The following PPP1R36 variants were observed in gnomAD, a reference collection of about 807,000 sequenced individuals.
PPP1R36 encodes chromosome 14 open reading frame 50.
In PPP1R36, 47 loss-of-function variants were observed where a neutral mutation model predicts 53.4. That is an observed-to-expected ratio of 0.88 (90% confidence interval 0.70 to 1.12). PPP1R36 has a LOEUF of 1.12. Ranked by LOEUF, PPP1R36 falls within the 50% of genes most tolerant of loss-of-function variation. PPP1R36 has a pLI of 0.00. For missense variants in PPP1R36, 456 were observed against 513.9 expected, an observed-to-expected ratio of 0.89 and a Z score of 1.09; for synonymous variants, 153 against 170.5, an observed-to-expected ratio of 0.90 and a Z score of 0.80.
At chr14:64,573,375 C>G (rs2140237841) in intron 7 of PPP1R36, among the ~76,000 whole-genome samples, 1 of 152,286 alleles carries the variant, frequency 6.6e-6, no homozygotes, top group Middle Eastern at 3.4e-3. Flanking sequence ...TTAGCAAACA[C>G]AGCTACACTC....
chr14:64,570,043 T>G (rs2080290793), intron 7 of PPP1R36, among the ~76,000 whole-genome samples: 1 of 152,114 alleles, frequency 6.6e-6, no homozygotes. Flanking sequence ...CTGGCCTACT[T>G]TCTTAATTGA....
intron 8 of PPP1R36, among the ~76,000 whole-genome samples, chr14:64,584,717 T>C (rs533087218): frequency 1.1e-4 from 16 of 152,354 alleles, no homozygotes; most frequent in African/African-American, 3.8e-4. Context: ...TATATGTCTT[T>C]GGACTTAAGT....
chr14:64,574,495 G>A lies in PPP1R36; in HGVS notation c.574G>A (p.Glu192Lys), dbSNP rs748843449. 6.2e-7 allele frequency: 1 copy of A among 1,613,912 alleles called. No individual in the cohort carries two copies. Among genetic ancestry groups the A allele is most frequent in the Non-Finnish European group, 8.5e-7 (1 of 1,179,942 alleles). ...AAAAGAAATGGAATTGGTTTTAAGT[G>A]AATTAGAAGCAGCACAGAGGTACTT... ...EKKEMELVLS[E>K]LEAAQRYLAQ... The change falls in exon 8 of 12, where the codon GAA (glutamate) becomes AAA (lysine). Residue 192 changes from glutamate to lysine, a missense_variant. Glu to Lys is a moderately conservative substitution (Grantham distance 56, BLOSUM62 1). Coordinates refer to ENST00000298705, the MANE Select transcript of PPP1R36 (RefSeq NM_172365.3).
intron 3 of PPP1R36, among the ~76,000 whole-genome samples, chr14:64,559,814 C>A (rs1596727442): frequency 6.6e-6 from 1 of 152,284 alleles, no homozygotes; most frequent in East Asian, 1.9e-4. Flanking sequence ...ATTAGAATTG[C>A]ATCTTAGGCC....
intron 6 of PPP1R36, among the ~76,000 whole-genome samples, chr14:64,567,537 G>A (rs945925024): frequency 1.3e-5 from 2 of 152,060 alleles, no homozygotes; most frequent in Admixed American, 6.6e-5. Context: ...ATAGTATTAC[G>A]CCACTTATTA....
At chr14:64,551,429 A>G (rs2080093064) in intron 2 of PPP1R36, among the ~76,000 whole-genome samples, 1 of 152,246 alleles carries the variant, frequency 6.6e-6, no homozygotes, top group Non-Finnish European at 1.5e-5. Context: ...GCTGCAATAG[A>G]TGGTGAATCT....
chr14:64,588,478 C>T (rs1210525782), intron 11 of PPP1R36, 183 bp downstream of exon 11: 4 of 474,592 alleles, frequency 8.4e-6, no homozygotes, highest in Non-Finnish European at 1.5e-5. Context: ...GAGGTACACC[C>T]ATCTAGACCA....
At chr14:64,567,586 G>T (rs998601054) in intron 6 of PPP1R36, among the ~76,000 whole-genome samples, 1 of 152,180 alleles carries the variant, frequency 6.6e-6, no homozygotes, top group African/African-American at 2.4e-5. Context: ...ATGTACATGT[G>T]TATATGTTGG....
intron 8 of PPP1R36, 87 bp downstream of exon 8, chr14:64,574,676 G>C (rs2080329666): frequency 3.5e-6 from 5 of 1,408,456 alleles, no homozygotes; most frequent in Non-Finnish European, 4.8e-6. Context: ...TTGTTACCTT[G>C]AGAAAATGTT....
chr14:64,585,287 A>G (rs10138870), intron 8 of PPP1R36, among the ~76,000 whole-genome samples: 149,700 of 152,282 alleles, frequency 0.98, 73,602 homozygotes, highest in East Asian at 1. Context: ...AGGGTGAGGT[A>G]GGTGGATAGC....
Position 64,564,759 on chromosome 14 carries a change from C to A in PPP1R36, c.191C>A (p.Pro64His). Residue 64 changes from proline to histidine, a missense_variant, in exon 4 of 12, where the codon CCT becomes CAT. Transcript: ENST00000298705. Reference sequence around the variant, plus strand: ...TCTCATTTTTATTGCAGTTTTACACCTGCAGCAGAAGTCAAGGAAAAAGGA... The same window carrying A: ...TCTCATTTTTATTGCAGTTTTACACATGCAGCAGAAGTCAAGGAAAAAGGA... ...WLLKHHPHFT[P>H]AAEVKEKGKK... 6.2e-7 allele frequency: 1 copy of A among 1,608,826 alleles called. No homozygotes were observed. The highest frequency in any genetic ancestry group is 8.5e-7 in the Non-Finnish European group (1 of 1,178,096).
At chr14:64,577,338 C>A (rs1386732161) in intron 8 of PPP1R36, among the ~76,000 whole-genome samples, 1 of 152,198 alleles carries the variant, frequency 6.6e-6, no homozygotes, top group African/African-American at 2.4e-5. Flanking sequence ...GCTCATTGCA[C>A]CATGCCTCCC....
At chr14:64,558,801 A>G (rs1244378435) in intron 3 of PPP1R36, among the ~76,000 whole-genome samples, 1 of 151,934 alleles carries the variant, frequency 6.6e-6, no homozygotes, top group Non-Finnish European at 1.5e-5. Flanking sequence ...ACAGCTGGCT[A>G]ATTTTTGTAT....
chr14:64,553,173 T>C (rs2080110875), intron 3 of PPP1R36, among the ~76,000 whole-genome samples: 1 of 152,098 alleles, frequency 6.6e-6, no homozygotes. Context: ...CAGGCTGGTC[T>C]CGAACTCCTG....
intron 11 of PPP1R36, 76 bp from the exon 12 acceptor site, chr14:64,589,076 C>A: frequency 9.2e-7 from 1 of 1,086,112 alleles, no homozygotes; most frequent in Non-Finnish European, 1.4e-6. Context: ...ATACACACAA[C>A]CACAATCACA....
At chr14:64,582,397 A>G (rs905180817) in intron 8 of PPP1R36, among the ~76,000 whole-genome samples, 4 of 152,196 alleles carry the variant, frequency 2.6e-5, no homozygotes, top group Non-Finnish European at 5.9e-5. Flanking sequence ...TAAGGTAGCA[A>G]GAAGGAATAA....
At chr14:64,572,399 T>G (rs1596738128) in intron 7 of PPP1R36, among the ~76,000 whole-genome samples, 1 of 152,194 alleles carries the variant, frequency 6.6e-6, no homozygotes, top group Non-Finnish European at 1.5e-5. Flanking sequence ...TTTTACAAAA[T>G]TAGATGAAAA....
At chr14:64,587,956 C>A in intron 10 of PPP1R36, 148 bp from the exon 11 acceptor site, 1 of 708,088 alleles carries the variant, frequency 1.4e-6, no homozygotes, top group Admixed American at 2.8e-5. Context: ...GTTGCCCAGG[C>A]TGGTCTCGAA....
intron 3 of PPP1R36, among the ~76,000 whole-genome samples, chr14:64,556,646 C>T (rs1231114379): frequency 4.3e-5 from 6 of 139,724 alleles, no homozygotes; most frequent in Admixed American, 3.8e-4. Flanking sequence ...TGGTGGTATG[C>T]GCCTGTAGTC....
Sources: allele counts gnomAD v4.1 joint callset (sites outside exome capture counted in the v4.1 genomes callset), GRCh38; gene constraint gnomAD v4.1.1; transcripts MANE v1.5; gene names NCBI Gene and HGNC (gene_info 2026-07-23, HGNC 2026-07-21).